The following TFEC variants were observed in gnomAD, a reference collection of about 807,000 sequenced individuals.
TFEC encodes the protein class E basic helix-loop-helix protein 34.
TFEC carries 31 observed loss-of-function variants against 41.6 expected under a neutral mutation model. The ratio of observed to expected loss-of-function variants is 0.74; its 90% CI spans 0.56 to 1.01. The LOEUF (loss-of-function observed/expected upper bound fraction) is 1.01. Among genes scored for constraint, TFEC ranks in the 50% least tolerant of loss-of-function variants. TFEC has a pLI of 0.00. For missense variants in TFEC, 402 were observed against 404.1 expected, an observed-to-expected ratio of 0.99 and a Z score of 0.04; for synonymous variants, 143 against 140.6, an observed-to-expected ratio of 1.02 and a Z score of -0.12.
At chr7:116,143,091 G>C (rs1163799721) in intron 1 of TFEC, among the ~76,000 whole-genome samples, 1 of 152,138 alleles carries the variant, frequency 6.6e-6, no homozygotes, top group Non-Finnish European at 1.5e-5. Flanking sequence ...ATCTCCTTTA[G>C]ACAAGAAGCC....
At chr7:116,008,413 A>G (rs1055281927) in intron 1 of TFEC, among the ~76,000 whole-genome samples, 32 of 152,304 alleles carry the variant, frequency 2.1e-4, no homozygotes, top group Middle Eastern at 6.8e-3. Flanking sequence ...AAGCAAGACC[A>G]TTCCATTCAT....
At chr7:116,085,849 G>C (rs1339238041) in intron 3 of TFEC, among the ~76,000 whole-genome samples, 1 of 151,730 alleles carries the variant, frequency 6.6e-6, no homozygotes, top group Non-Finnish European at 1.5e-5. Context: ...TTGACCTTTT[G>C]ATAAAGCTAA....
rs1306047329 is a variant in TFEC, at chr7:116,030,622, T to C, written c.-73+11A>G. 1 of 985,184 alleles carries C rather than the reference T, an allele frequency of 1.0e-6. No homozygotes were observed. Among genetic ancestry groups the C allele is most frequent in the African/African-American group, 1.7e-5 (1 of 57,222 alleles). 61.0% of individuals were successfully genotyped at this position (985,184 alleles called of 1,614,324 possible). A position where few individuals can be genotyped will look rare whatever the true frequency, so the allele number is the denominator to read the frequency against. Reference sequence around the variant, plus strand: ...AGTACAGAAAATTAACCTGCCGGTTTAGTTACCTACCAGCAATGAGTGGAT... The same window carrying C: ...AGTACAGAAAATTAACCTGCCGGTTCAGTTACCTACCAGCAATGAGTGGAT... On this transcript the variant is annotated intron_variant, in intron 1 of 7. Coordinates refer to ENST00000265440, the MANE Select transcript of TFEC (RefSeq NM_012252.4).
chr7:116,048,060 T>C (rs1796213136), intron 3 of TFEC, among the ~76,000 whole-genome samples: 1 of 152,222 alleles, frequency 6.6e-6, no homozygotes, highest in Admixed American at 6.5e-5. Flanking sequence ...CTGAAAATTC[T>C]AAAAATCAGA....
chr7:116,134,565 GA>G (rs1404318012), intron 1 of TFEC, among the ~76,000 whole-genome samples: 1 of 151,936 alleles, frequency 6.6e-6, no homozygotes, highest in Non-Finnish European at 1.5e-5. Context: ...TACATATCAA[GA>G]GTAAATGTGG....
chr7:116,051,839 T>C (rs974699705), intron 3 of TFEC, among the ~76,000 whole-genome samples: 1 of 152,070 alleles, frequency 6.6e-6, no homozygotes. Context: ...AGGTACTATG[T>C]TATCATCTAC....
intron 1 of TFEC, among the ~76,000 whole-genome samples, chr7:116,141,123 TAA>T (rs1302378749): frequency 6.6e-6 from 1 of 152,134 alleles, no homozygotes; most frequent in Non-Finnish European, 1.5e-5. Flanking sequence ...GCTAAGTAAG[TAA>T]GTGCTGTAAG....
chr7:116,091,498 A>G (rs1368358455), intron 3 of TFEC, among the ~76,000 whole-genome samples: 1 of 152,188 alleles, frequency 6.6e-6, no homozygotes, highest in East Asian at 1.9e-4. Context: ...CAATCTTAAT[A>G]CAGGCAATTC....
At chr7:116,105,589 G>A (rs1328307983) in intron 3 of TFEC, among the ~76,000 whole-genome samples, 1 of 152,098 alleles carries the variant, frequency 6.6e-6, no homozygotes, top group Non-Finnish European at 1.5e-5. Context: ...GGCATTGACC[G>A]CTGATGTTGA....
intron 1 of TFEC, among the ~76,000 whole-genome samples, chr7:116,122,633 C>G (rs757302399): frequency 2.0e-5 from 3 of 152,030 alleles, no homozygotes; most frequent in Non-Finnish European, 2.9e-5. Flanking sequence ...TTTTATCTGC[C>G]AGGTAGCAGG....
At chr7:116,152,111 G>A (rs568667774) in intron 1 of TFEC, among the ~76,000 whole-genome samples, 14 of 152,186 alleles carry the variant, frequency 9.2e-5, no homozygotes, top group East Asian at 7.7e-4. Context: ...AGCAATTTGC[G>A]CAAAAAGTTT....
At chr7:116,041,447 C>T (rs552559183) in intron 3 of TFEC, among the ~76,000 whole-genome samples, 31 of 152,136 alleles carry the variant, frequency 2.0e-4, no homozygotes, top group Non-Finnish European at 3.8e-4. Context: ...TGTTATGGAA[C>T]GCAGTGATTT....
intron 3 of TFEC, among the ~76,000 whole-genome samples, chr7:115,973,569 G>A (rs915444109): frequency 1.3e-4 from 19 of 151,916 alleles, no homozygotes; most frequent in South Asian, 6.2e-4. Context: ...ATCAGAAGGC[G>A]CATAGCAAGC....
At chr7:116,078,002 C>T (rs1796999873) in intron 3 of TFEC, among the ~76,000 whole-genome samples, 1 of 152,082 alleles carries the variant, frequency 6.6e-6, no homozygotes, top group Non-Finnish European at 1.5e-5. Context: ...ATGGAACATT[C>T]TCCAAGATAG....
intron 1 of TFEC, among the ~76,000 whole-genome samples, chr7:116,022,407 T>A (rs1185575768): frequency 6.6e-6 from 1 of 152,186 alleles, no homozygotes; most frequent in Non-Finnish European, 1.5e-5. Context: ...CATTTAAGAT[T>A]GCAGATTTTG....
intron 3 of TFEC, among the ~76,000 whole-genome samples, chr7:116,071,011 C>A (rs1444478760): frequency 6.6e-6 from 1 of 151,220 alleles, no homozygotes; most frequent in East Asian, 1.9e-4. Flanking sequence ...CATCTGTGCT[C>A]TCTGCAGAAT....
At chr7:116,099,539 T>C (rs1391862177) in intron 3 of TFEC, among the ~76,000 whole-genome samples, 1 of 152,204 alleles carries the variant, frequency 6.6e-6, no homozygotes, top group African/African-American at 2.4e-5. Flanking sequence ...TCCCCTTTCT[T>C]CTTGCTTTTA....
At chr7:116,003,019 G>T (rs1445830018) in intron 1 of TFEC, among the ~76,000 whole-genome samples, 3 of 151,974 alleles carry the variant, frequency 2.0e-5, no homozygotes, top group Admixed American at 2.0e-4. Flanking sequence ...AAGAACAAGG[G>T]TAACAAATAG....
intron 4 of TFEC, among the ~76,000 whole-genome samples, chr7:115,956,403 G>T (rs1233335046): frequency 6.7e-6 from 1 of 149,758 alleles, no homozygotes; most frequent in African/African-American, 2.4e-5. Flanking sequence ...TTTTATATAT[G>T]TATGTATATA....
Sources: gnomAD v4.1 joint callset for allele counts (sites outside exome capture counted in the v4.1 genomes callset) on GRCh38, gnomAD v4.1.1 for gene constraint, MANE v1.5 for transcripts, NCBI Gene and HGNC (gene_info 2026-07-23, HGNC 2026-07-21) for gene names.